Variants in PCYT1A observed in about 807,000 individuals in gnomAD.
The protein encoded by PCYT1A is choline-phosphate cytidylyltransferase A.
Under a neutral mutation model 43.7 loss-of-function variants are expected in PCYT1A, and 25 were observed. That is an observed-to-expected ratio of 0.57 (90% confidence interval 0.42 to 0.80). PCYT1A has a LOEUF of 0.80. PCYT1A is among the 30% of genes least tolerant of loss of function. The probability of loss-of-function intolerance (pLI) is 0.00; values close to 1 mark genes in which losing one functional copy is unlikely to be tolerated. For synonymous variants in PCYT1A, 172 were observed against 170.7 expected (o/e 1.01, Z -0.06); for missense variants, 421 against 474.2 (o/e 0.89, Z 1.04).
chr3:196,263,711 C>G (rs1349004624), intron 2 of PCYT1A, among the ~76,000 whole-genome samples: 2 of 152,278 alleles, frequency 1.3e-5, no homozygotes, highest in East Asian at 3.9e-4. Context: ...CGGCTCACTG[C>G]AAGCTCCACC....
chr3:196,259,911 CTTTTTTTTTT>C (rs779918737), intron 2 of PCYT1A, among the ~76,000 whole-genome samples: 755 of 48,926 alleles, frequency 0.015, 10 homozygotes, highest in African/African-American at 0.059. Context: ...TGGAAACATT[CTTTTTTTTTT>C]TTTTTTTTTT....
At chr3:196,270,152 C>T (rs9714038) in intron 2 of PCYT1A, among the ~76,000 whole-genome samples, 55,889 of 152,068 alleles carry the variant, frequency 0.37, 10,997 homozygotes, top group East Asian at 0.82. Context: ...TATGAGTCAC[C>T]GCACCTGGCC....
At chr3:196,283,925 A>T (rs981445507) in intron 1 of PCYT1A, among the ~76,000 whole-genome samples, 1 of 152,156 alleles carries the variant, frequency 6.6e-6, no homozygotes, top group East Asian at 1.9e-4. Context: ...CAAAAAAGGG[A>T]CTCTCACAGT....
chr3:196,245,306 TA>T (rs1724527189), intron 5 of PCYT1A, among the ~76,000 whole-genome samples: 1 of 152,082 alleles, frequency 6.6e-6, no homozygotes, highest in African/African-American at 2.4e-5. Flanking sequence ...CCCGCCTGGT[TA>T]ATCTTTGCAT....
At chr3:196,267,087 G>A (rs1725296859) in intron 2 of PCYT1A, among the ~76,000 whole-genome samples, 1 of 150,836 alleles carries the variant, frequency 6.6e-6, no homozygotes, top group Admixed American at 6.7e-5. Flanking sequence ...GGTGAGACAG[G>A]AGAATCACTT....
Position 196,273,999 on chromosome 3 carries a change from C to T in PCYT1A, c.-10-3458G>A, listed in dbSNP as rs1221090836. Among the ~76,000 whole-genome samples, 1 of 152,248 alleles carries T rather than the reference C, an allele frequency of 6.6e-6. No homozygotes were observed. The highest frequency in any genetic ancestry group is 1.5e-5 in the Non-Finnish European group (1 of 68,038). Reference sequence around the variant, plus strand: ...GGAGCTGCTCTCAGCTCCGCCTTGGCGTCCCCTCCTGTGCTGCTGGACACC... The same window carrying T: ...GGAGCTGCTCTCAGCTCCGCCTTGGTGTCCCCTCCTGTGCTGCTGGACACC... On this transcript the variant is annotated intron_variant, in intron 1 of 8. Coordinates refer to ENST00000431016, the MANE Select transcript of PCYT1A (RefSeq NM_001312673.2). The surrounding 1 kb of genome is among the most constrained non-coding windows in gnomAD (Gnocchi z 4.1).
At position 196,234,487 on chromosome 3, in the gene PCYT1A, G is replaced by A. The variant is rs913437178; in HGVS notation, c.*4201C>T. The A allele has an allele frequency of 2.6e-5, 4 of 152,168 alleles. No homozygotes were observed. Among genetic ancestry groups the A allele is most frequent in the Non-Finnish European group, 4.4e-5 (3 of 68,038 alleles). The allele number at this position is 152,168 out of a possible 1,614,324, so 9.4% of individuals were successfully genotyped here. A position where few individuals can be genotyped will look rare whatever the true frequency, so the allele number is the denominator to read the frequency against. ...CCCCACTTGAGGAAGACTTCCCCAC[G>A]GACTCACACTGGTGATGGGGCGAAC... On this transcript the variant is annotated 3_prime_UTR_variant, in exon 9 of 9. Coordinates refer to ENST00000431016, the MANE Select transcript of PCYT1A (RefSeq NM_001312673.2).
rs763503186 is a variant in PCYT1A, at chr3:196,242,026, C to T, written c.630G>A (p.Val210=). The T allele has an allele frequency of 2.3e-5, 37 of 1,614,118 alleles. No homozygotes were observed. The highest frequency in any genetic ancestry group is 3.1e-5 in the Non-Finnish European group (37 of 1,179,980). ...GCCTCGCATACACATCATAATCCCG[C>T]ACAATTCGGGTGATGATGTCTGATG... ...ISTSDIITRI[V]RDYDVYARRN... The change falls in exon 7 of 9, where the codon GTG becomes GTA. Residue 210 remains valine, a synonymous_variant. Transcript: ENST00000431016. The surrounding 1 kb of genome is among the most constrained non-coding windows in gnomAD (Gnocchi z 4.2).
chr3:196,238,917 T>C, intron 8 of PCYT1A, 23 bp from the exon 9 acceptor site: 2 of 1,352,284 alleles, frequency 1.5e-6, no homozygotes, highest in Non-Finnish European at 1.9e-6. Context: ...AAAGGAAGAG[T>C]CAGAAAAACA....
At chr3:196,263,022 C>T (rs11185520) in intron 2 of PCYT1A, among the ~76,000 whole-genome samples, 74,084 of 151,726 alleles carry the variant, frequency 0.49, 18,681 homozygotes, top group East Asian at 0.89. Flanking sequence ...TTTGAACTCC[C>T]GACCTCATGA....
In PCYT1A at chr3:196,287,722, C is replaced by G. The variant is rs1025645523; in HGVS notation, c.-118G>C. 1.3e-5 allele frequency: 2 copies of G among 152,268 alleles called. No individual in the cohort carries two copies. Among genetic ancestry groups the G allele is most frequent in the African/African-American group, 2.4e-5 (1 of 41,432 alleles). 9.4% of individuals were successfully genotyped at this position (152,268 alleles called of 1,614,324 possible). Reference sequence around the variant, plus strand: ...GCGGGGAGACGCCCGGGGAAGGCAGCTGATGGAAGAGCCAGCCGGAAGTTC... The same window carrying G: ...GCGGGGAGACGCCCGGGGAAGGCAGGTGATGGAAGAGCCAGCCGGAAGTTC... On this transcript the variant is annotated 5_prime_UTR_variant, in exon 1 of 9. Coordinates refer to ENST00000431016, the MANE Select transcript of PCYT1A (RefSeq NM_001312673.2).
In PCYT1A at chr3:196,242,559, C is replaced by T; in HGVS notation, c.565+3G>A. On this transcript the variant is annotated splice_donor_region_variant and intron_variant, in intron 6 of 8. Coordinates refer to ENST00000431016, the MANE Select transcript of PCYT1A (RefSeq NM_001312673.2). The surrounding 1 kb of genome is among the most constrained non-coding windows in gnomAD (Gnocchi z 4.2). ...CTACAGTGAGGAAGCACAGCTCACTCACCTGCCTCCTTGATGTGCTTATAA... is the reference window on the plus strand; with the variant it reads ...CTACAGTGAGGAAGCACAGCTCACTTACCTGCCTCCTTGATGTGCTTATAA... 6.3e-7 allele frequency: 1 copy of T among 1,596,388 alleles called. No individual in the cohort carries two copies. Among genetic ancestry groups the T allele is most frequent in the East Asian group, 2.2e-5 (1 of 44,786 alleles).
At chr3:196,262,201 T>C (rs1184212689) in intron 2 of PCYT1A, among the ~76,000 whole-genome samples, 1 of 152,192 alleles carries the variant, frequency 6.6e-6, no homozygotes, top group Non-Finnish European at 1.5e-5. Context: ...GAGGTATAAA[T>C]GAAAGAACAT....
At chr3:196,287,092 A>C (rs1226851318) in intron 1 of PCYT1A, 1 of 152,190 alleles carries the variant, frequency 6.6e-6, no homozygotes, top group African/African-American at 2.4e-5. Flanking sequence ...AGGCCTGTTA[A>C]GTTCCAGACC....
At chr3:196,239,831 A>G (rs1472613309) in intron 7 of PCYT1A, 96 bp from the exon 8 acceptor site, 5 of 788,884 alleles carry the variant, frequency 6.3e-6, no homozygotes, top group African/African-American at 1.7e-5. Context: ...CTCAATTGAC[A>G]CTGTTTTCAG....
At chr3:196,244,245 G>A (rs1486147575) in intron 5 of PCYT1A, among the ~76,000 whole-genome samples, 2 of 142,998 alleles carry the variant, frequency 1.4e-5, no homozygotes, top group Non-Finnish European at 3.0e-5. Flanking sequence ...GGGATGTGAG[G>A]AGCGTCTCTG....
intron 3 of PCYT1A, among the ~76,000 whole-genome samples, chr3:196,249,800 G>A (rs925648051): frequency 4.6e-5 from 7 of 152,120 alleles, no homozygotes; most frequent in African/African-American, 1.2e-4. Context: ...ACACCATGCC[G>A]AGGCTGAGGA....
Position 196,277,274 on chromosome 3 carries a change from T to C in PCYT1A, c.-10-6733A>G, listed in dbSNP as rs1207814145. ...TTTTCTTTACCTGCTTACACTATTA[T>C]GTGTTTATACTATTCCTTATCTGCT... On this transcript the variant is annotated intron_variant, in intron 1 of 8. Coordinates refer to ENST00000431016, the MANE Select transcript of PCYT1A (RefSeq NM_001312673.2). This position sits in a 1 kb window ranked among gnomAD's most constrained non-coding sequence, Gnocchi z 4.1. 1.3e-5 allele frequency among the ~76,000 whole-genome samples: 2 copies of C among 152,172 alleles called. No individual in the cohort carries two copies. Among genetic ancestry groups the C allele is most frequent in the African/African-American group, 2.4e-5 (1 of 41,448 alleles).
intron 1 of PCYT1A, among the ~76,000 whole-genome samples, chr3:196,276,791 C>A (rs1198896449): frequency 6.6e-6 from 1 of 152,084 alleles, no homozygotes; most frequent in Middle Eastern, 3.2e-3. Context: ...GAAAAATTGA[C>A]CAGGTGTAGT....
Sources: allele counts gnomAD v4.1 joint callset (sites outside exome capture counted in the v4.1 genomes callset), GRCh38; gene constraint gnomAD v4.1.1; non-coding constraint Gnocchi (gnomAD v3.1); transcripts MANE v1.5; gene names NCBI Gene and HGNC (gene_info 2026-07-23, HGNC 2026-07-21).